EIF2AK4: variants seen among roughly 807,000 people sequenced by gnomAD.
The protein encoded by EIF2AK4 is eukaryotic translation initiation factor 2 alpha kinase 4.
In EIF2AK4, 139 loss-of-function variants were observed where a neutral mutation model predicts 211.1. The observed-to-expected ratio is 0.66, with a 90% CI of 0.57 to 0.76. The LOEUF (loss-of-function observed/expected upper bound fraction) is 0.76, where lower values mean the gene tolerates loss of function less well. EIF2AK4 is among the 30% of genes least tolerant of loss of function. The pLI is 0.00. For synonymous variants in EIF2AK4, 710 were observed against 751.3 expected, an observed-to-expected ratio of 0.94 and a Z score of 0.90; for missense variants, 1,664 against 2,043.8, an observed-to-expected ratio of 0.81 and a Z score of 3.58.
intron 6 of EIF2AK4, among the ~76,000 whole-genome samples, chr15:39,959,119 A>G (rs1449208293): frequency 6.6e-6 from 1 of 152,222 alleles, no homozygotes; most frequent in South Asian, 2.1e-4. Context: ...TTTTAATATT[A>G]TGATAATATT....
chr15:39,957,112 T>A (rs1219371816), intron 6 of EIF2AK4, among the ~76,000 whole-genome samples: 2 of 152,236 alleles, frequency 1.3e-5, no homozygotes, highest in African/African-American at 2.4e-5. Flanking sequence ...AGAATTTCAC[T>A]AGGAAATATC....
chr15:39,956,856 A>G (rs573108536), intron 6 of EIF2AK4, among the ~76,000 whole-genome samples: 11 of 152,360 alleles, frequency 7.2e-5, no homozygotes, highest in African/African-American at 2.6e-4. Context: ...CTGAAGATTT[A>G]TATAAACTTC....
In EIF2AK4 at chr15:39,953,957, G is replaced by T. The variant is rs767142010; in HGVS notation, c.567G>T (p.Glu189Asp). 6.2e-7 allele frequency: 1 copy of T among 1,601,524 alleles called. No homozygotes were observed. Among genetic ancestry groups the T allele is most frequent in the Non-Finnish European group, 8.5e-7 (1 of 1,175,906 alleles). ...GAAGGAAAGAAGAGATAAAAGAAGA[G>T]AAAAAAAGGAAAGAAATGGCTAAGC... is the stretch of plus-strand genomic sequence containing the variant. ...IQRRKEEIKE[E>D]KKRKEMAKQE... The change falls in exon 5 of 39, where the codon GAG (glutamate) becomes GAT (aspartate). Residue 189 changes from glutamate (E) to aspartate (D), a missense_variant. Around this residue, in one of 7 missense-constraint regions of EIF2AK4, gnomAD observed 641 missense variants for 729.6 expected, o/e 0.88. Coordinates refer to ENST00000263791, the MANE Select transcript of EIF2AK4 (RefSeq NM_001013703.4).
intron 26 of EIF2AK4, 52 bp from the exon 27 acceptor site, chr15:40,011,229 G>T: frequency 1.3e-6 from 2 of 1,484,822 alleles, no homozygotes; most frequent in Admixed American, 3.4e-5. Context: ...ATTGTGTCTT[G>T]TTCAGTGCCA....
intron 3 of EIF2AK4, 42 bp from the exon 4 acceptor site, chr15:39,949,074 A>G (rs1372014403): frequency 3.8e-6 from 6 of 1,599,358 alleles, no homozygotes; most frequent in Non-Finnish European, 5.1e-6. Context: ...GGGCCTTCCC[A>G]TTATTTGATC....
In EIF2AK4 at chr15:39,987,974, T is replaced by C. The variant is rs1322323704; in HGVS notation, c.2404-9T>C. 2 of 1,613,142 alleles carry C rather than the reference T, an allele frequency of 1.2e-6. No individual in the cohort carries two copies. Among genetic ancestry groups the C allele is most frequent in the Non-Finnish European group, 1.7e-6 (2 of 1,179,590 alleles). On this transcript the variant is annotated splice_polypyrimidine_tract_variant and intron_variant, in intron 14 of 38. Transcript: ENST00000263791. ...TGTAATCAAATTCTCCTGGTTTGTC[T>C]GTATATAGATGGAGTACTGTGAGAA...
At position 40,030,350 on chromosome 15, in the gene EIF2AK4, T is replaced by A. The variant is rs767017091; in HGVS notation, c.4562-9T>A. ...AAGGCCATAAATTCTGAAACTCTCT[T>A]GGTCTCAGGTTTGTTTGAAATCCAT... On this transcript the variant is annotated splice_polypyrimidine_tract_variant and intron_variant, in intron 34 of 38. Coordinates refer to ENST00000263791, the MANE Select transcript of EIF2AK4 (RefSeq NM_001013703.4). 6.2e-7 allele frequency: 1 copy of A among 1,613,312 alleles called. No individual in the cohort carries two copies. Among genetic ancestry groups the A allele is most frequent in the South Asian group, 1.1e-5 (1 of 90,930 alleles).
intron 14 of EIF2AK4, among the ~76,000 whole-genome samples, chr15:39,987,746 A>C (rs890817983): frequency 4.6e-5 from 7 of 152,226 alleles, no homozygotes; most frequent in Non-Finnish European, 8.8e-5. Context: ...TTTTTAAATG[A>C]GCAATAATAT....
chr15:39,993,440 G>C (rs1209898563), intron 18 of EIF2AK4, among the ~76,000 whole-genome samples: 1 of 152,252 alleles, frequency 6.6e-6, no homozygotes, highest in Admixed American at 6.5e-5. Flanking sequence ...AGATTGACCA[G>C]GGAAGATCTC....
At chr15:39,952,092 A>G (rs1462713471) in intron 4 of EIF2AK4, among the ~76,000 whole-genome samples, 1 of 152,076 alleles carries the variant, frequency 6.6e-6, no homozygotes, top group Non-Finnish European at 1.5e-5. Context: ...TCACCCATTT[A>G]TTCTTACAGA....
In EIF2AK4 at chr15:40,016,620, A is replaced by G. The variant is rs753852409; in HGVS notation, c.3878A>G (p.Lys1293Arg). ...GCACAGTTGGTGAAGTATGGCTTAA[A>G]AGACCTAGAGGAGGTTGTTGGACTG... ...GIAQLVKYGLKDLEEVVGLLK... is the reference protein window; with the variant it reads ...GIAQLVKYGLRDLEEVVGLLK... Residue 1293 changes from lysine to arginine, a missense_variant, in exon 28 of 39, where the codon AAA becomes AGA. By Grantham distance (26) the Lys-to-Arg change is conservative. Coordinates refer to ENST00000263791, the MANE Select transcript of EIF2AK4 (RefSeq NM_001013703.4). 6.2e-7 allele frequency: 1 copy of G among 1,614,246 alleles called. No homozygotes were observed. The highest frequency in any genetic ancestry group is 1.1e-5 in the South Asian group (1 of 91,086).
In EIF2AK4 at chr15:39,967,327, T is replaced by TTC; in HGVS notation, c.1018-16_1018-15insCT. ...TGACTGGCCCAATATTCTTTTTTTTTTTTTTTAACTTATCAGATTCAAGGA... is the reference window on the plus strand; with the variant it reads ...TGACTGGCCCAATATTCTTTTTTTTTTCTTTTTTAACTTATCAGATTCAAGGA... On this transcript the variant is annotated splice_polypyrimidine_tract_variant and intron_variant, in intron 8 of 38. Coordinates refer to ENST00000263791, the MANE Select transcript of EIF2AK4 (RefSeq NM_001013703.4). 6.6e-7 allele frequency: 1 copy of TTC among 1,522,838 alleles called. No homozygotes were observed. Among genetic ancestry groups the TTC allele is most frequent in the Non-Finnish European group, 8.8e-7 (1 of 1,132,254 alleles). 94.3% of individuals were successfully genotyped at this position (1,522,838 alleles called of 1,614,324 possible). A position where few individuals can be genotyped will look rare whatever the true frequency, so the allele number is the denominator to read the frequency against.
intron 27 of EIF2AK4, among the ~76,000 whole-genome samples, chr15:40,014,601 A>C (rs2035280611): frequency 6.6e-6 from 1 of 152,170 alleles, no homozygotes; most frequent in Non-Finnish European, 1.5e-5. Flanking sequence ...AGCCCACGAA[A>C]CCATTTTTTC....
At chr15:40,022,767 G>C (rs1237788187) in intron 32 of EIF2AK4, among the ~76,000 whole-genome samples, 162 bp downstream of exon 32, 1 of 151,418 alleles carries the variant, frequency 6.6e-6, no homozygotes, top group Admixed American at 6.6e-5. Context: ...ACGGAGTCTC[G>C]CTGTCTCCCA....
intron 32 of EIF2AK4, among the ~76,000 whole-genome samples, chr15:40,022,975 C>T (rs542213295): frequency 6.6e-6 from 1 of 152,314 alleles, no homozygotes; most frequent in South Asian, 2.1e-4. Flanking sequence ...GATCTGCCCG[C>T]CTCGGCCTCC....
intron 25 of EIF2AK4, 70 bp downstream of exon 25, chr15:40,008,265 C>T: frequency 7.2e-7 from 1 of 1,382,922 alleles, no homozygotes; most frequent in Non-Finnish European, 9.8e-7. Flanking sequence ...TGGGGAAAAC[C>T]ACAGCTACAG....
Position 39,976,727 on chromosome 15 carries a change from G to T in EIF2AK4, c.2132G>T (p.Trp711Leu). The T allele has an allele frequency of 6.2e-7, 1 of 1,602,446 alleles. No homozygotes were observed. Residue 711 changes from tryptophan (W) to leucine (L), a missense_variant, in exon 12 of 39, where the codon TGG becomes TTG. This residue lies in a region of EIF2AK4 where 206 missense variants were observed against 201.9 expected (regional missense o/e 1.02). Coordinates refer to ENST00000263791, the MANE Select transcript of EIF2AK4 (RefSeq NM_001013703.4). ...PPPILSSSVE[W>L]STSGERSASA... ...CCCATCCTCAGCAGCTCGGTGGAGT[G>T]GAGCACTTCGGGCGAGCGCTCGGCC...
intron 23 of EIF2AK4, among the ~76,000 whole-genome samples, chr15:40,004,755 G>C (rs2035137482): frequency 6.6e-6 from 1 of 152,122 alleles, no homozygotes; most frequent in African/African-American, 2.4e-5. Context: ...GGCTCTCGCT[G>C]TGTTGCCCAG....
intron 18 of EIF2AK4, among the ~76,000 whole-genome samples, chr15:39,993,296 G>A (rs1012332309): frequency 6.6e-6 from 1 of 152,214 alleles, no homozygotes; most frequent in African/African-American, 2.4e-5. Context: ...AGGAACAGAT[G>A]TGGCTCCAGC....
Sources: gnomAD v4.1 joint callset for allele counts (sites outside exome capture counted in the v4.1 genomes callset) on GRCh38, gnomAD v4.1.1 for gene constraint, gnomAD v4.1.1 regional missense constraint, MANE v1.5 for transcripts, NCBI Gene and HGNC (gene_info 2026-07-23, HGNC 2026-07-21) for gene names.